CSMD1: variants seen among roughly 807,000 people sequenced by gnomAD.
CSMD1 encodes the protein CUB and sushi domain-containing protein 1.
CSMD1 carries 213 observed loss-of-function variants against 417.5 expected under a neutral mutation model. The ratio of observed to expected loss-of-function variants is 0.51; its 90% CI spans 0.46 to 0.57. The LOEUF is 0.57. CSMD1 is among the 20% of genes least tolerant of loss of function. The probability of loss-of-function intolerance (pLI) is 0.00; values close to 1 mark genes in which losing one functional copy is unlikely to be tolerated. For missense variants in CSMD1, 6,923 were observed against 4,529.7 expected, an observed-to-expected ratio of 1.53 and a Z score of -15.17; for synonymous variants, 2,862 against 1,736.8, an observed-to-expected ratio of 1.65 and a Z score of -16.11.
chr8:3,090,404 G>A lies in CSMD1; in HGVS notation c.7285+1112C>T, dbSNP rs774998927. Among the ~76,000 whole-genome samples the A allele has an allele frequency of 7.3e-4, 110 of 149,994 alleles. 2 individuals carry two copies. The highest frequency in any genetic ancestry group is 7.1e-3 in the Middle Eastern group (2 of 280). ...TGAATGCAAATCCCATCATTGCATC[G>A]ATGTCTTTGCAGCAAAGGTCTGAGT... is the stretch of plus-strand genomic sequence containing the variant. On this transcript the variant is annotated intron_variant, in intron 48 of 69. Transcript: ENST00000635120.
chr8:3,211,643 G>A (rs1585668838), intron 30 of CSMD1, among the ~76,000 whole-genome samples: 2 of 152,302 alleles, frequency 1.3e-5, no homozygotes, highest in Admixed American at 6.5e-5. Flanking sequence ...TCAGCCCTGC[G>A]AGTCTTGTCT....
chr8:3,584,980 T>C (rs1211711174), intron 9 of CSMD1, among the ~76,000 whole-genome samples: 1 of 152,174 alleles, frequency 6.6e-6, no homozygotes, highest in Non-Finnish European at 1.5e-5. Context: ...GGGACAGCCA[T>C]GTGCATTTCC....
chr8:3,558,280 ATGG>A lies in CSMD1; in HGVS notation c.1344+16662_1344+16664del, dbSNP rs1289370017. 2.0e-5 allele frequency among the ~76,000 whole-genome samples: 3 copies of A among 150,128 alleles called. 1 individual carries two copies. Among genetic ancestry groups the A allele is most frequent in the Non-Finnish European group, 4.4e-5 (3 of 67,604 alleles). ...CCTGTGTCCACTCCTCCAGTGATGA[ATGG>A]TGCCTCAATGGAACTCCGTGTTCAC... On this transcript the variant is annotated intron_variant, in intron 10 of 69. Coordinates refer to ENST00000635120, the MANE Select transcript of CSMD1 (RefSeq NM_033225.6).
chr8:3,117,203 T>TGGGACTACA (rs1816925649), intron 42 of CSMD1, among the ~76,000 whole-genome samples: 1 of 152,134 alleles, frequency 6.6e-6, no homozygotes, highest in African/African-American at 2.4e-5. Flanking sequence ...CTGGAGTAGC[T>TGGGACTACA]GGGACTACAG....
intron 4 of CSMD1, among the ~76,000 whole-genome samples, chr8:4,021,481 T>G (rs904414880): frequency 6.6e-6 from 1 of 152,194 alleles, no homozygotes; most frequent in African/African-American, 2.4e-5. Context: ...CGTGTGGCAG[T>G]TGAATCCGCT....
chr8:4,879,924 C>G (rs1803288484), intron 1 of CSMD1, among the ~76,000 whole-genome samples: 1 of 152,206 alleles, frequency 6.6e-6, no homozygotes, highest in East Asian at 1.9e-4. Context: ...TCATTAACTT[C>G]CCAACCAGAA....
chr8:4,073,759 C>G (rs941099210), intron 3 of CSMD1, among the ~76,000 whole-genome samples: 6 of 152,062 alleles, frequency 3.9e-5, no homozygotes, highest in Non-Finnish European at 5.9e-5. Context: ...AATTTATACA[C>G]TTGAAAATGA....
chr8:3,975,327 G>C (rs149868271), intron 5 of CSMD1, among the ~76,000 whole-genome samples: 76 of 152,134 alleles, frequency 5.0e-4, no homozygotes, highest in South Asian at 2.5e-3. Flanking sequence ...GAACAGTTTG[G>C]ATGTTTGTGG....
intron 5 of CSMD1, among the ~76,000 whole-genome samples, chr8:3,876,186 T>C (rs971686507): frequency 2.0e-5 from 3 of 152,190 alleles, no homozygotes; most frequent in Non-Finnish European, 4.4e-5. Context: ...AAACTCATGT[T>C]TGAAAGGAGG....
Position 4,937,190 on chromosome 8 carries a change from G to C in CSMD1, c.85+57142C>G, listed in dbSNP as rs931227826. Among the ~76,000 whole-genome samples, 3 of 152,046 alleles carry C rather than the reference G, an allele frequency of 2.0e-5. No individual in the cohort carries two copies. The South Asian group carries it at 6.2e-4, about 32-fold the overall frequency. On this transcript the variant is annotated intron_variant, in intron 1 of 69. Coordinates refer to ENST00000635120, the MANE Select transcript of CSMD1 (RefSeq NM_033225.6). ...ATCCTGAGACTGCATTACAGCCTGA[G>C]CAACAGAGCCAGGCCCTGTCTCAAA...
intron 1 of CSMD1, among the ~76,000 whole-genome samples, chr8:4,802,400 C>G (rs28469770): frequency 6.6e-6 from 1 of 151,626 alleles, no homozygotes; most frequent in African/African-American, 2.4e-5. Context: ...GAAGCATCCC[C>G]GTGGTTAACT....
chr8:3,663,297 G>C (rs1358674366), intron 7 of CSMD1, among the ~76,000 whole-genome samples: 3 of 152,138 alleles, frequency 2.0e-5, no homozygotes, highest in South Asian at 2.1e-4. Context: ...GTGGGATGTG[G>C]GCAGTAGAAT....
chr8:3,230,761 C>T (rs1015123883), intron 26 of CSMD1, among the ~76,000 whole-genome samples: 1 of 152,108 alleles, frequency 6.6e-6, no homozygotes, highest in Non-Finnish European at 1.5e-5. Flanking sequence ...ATTGCCACGG[C>T]AAAATTATTA....
At chr8:3,856,573 T>C (rs79143612) in intron 5 of CSMD1, among the ~76,000 whole-genome samples, 2,402 of 152,270 alleles carry the variant, frequency 0.016, 73 homozygotes, top group African/African-American at 0.054. Context: ...GGCCTGAGTA[T>C]GGCAGACTGT....
chr8:4,926,964 C>A (rs1806910744), intron 1 of CSMD1, among the ~76,000 whole-genome samples: 1 of 152,006 alleles, frequency 6.6e-6, no homozygotes, highest in African/African-American at 2.4e-5. Flanking sequence ...AAAAAGCATT[C>A]AGCTAGAGCA....
chr8:3,479,437 T>A (rs937822224), intron 11 of CSMD1, among the ~76,000 whole-genome samples: 1 of 152,128 alleles, frequency 6.6e-6, no homozygotes, highest in Non-Finnish European at 1.5e-5. Context: ...TGCACCACCA[T>A]GCCCAGCTAA....
Position 3,425,569 on chromosome 8 carries a change from G to A in CSMD1, c.1562-15964C>T, listed in dbSNP as rs546723260. On this transcript the variant is annotated intron_variant, in intron 12 of 69. Transcript: ENST00000635120. ...CGCCACTGCACTCTGGCCTGGGAGA[G>A]AGAGCAAGATTCGGTCTCAAAAAAA... Among the ~76,000 whole-genome samples, 112 of 126,910 alleles carry A rather than the reference G, an allele frequency of 8.8e-4. 3 individuals carry two copies. The Middle Eastern group carries it at 0.021, about 24-fold the overall frequency. 83.3% of individuals were successfully genotyped at this position (126,910 alleles called of 152,430 possible). A position where few individuals can be genotyped will look rare whatever the true frequency, so the allele number is the denominator to read the frequency against.
chr8:3,764,523 C>G lies in CSMD1; in HGVS notation c.819-10481G>C, dbSNP rs6558820. Among the ~76,000 whole-genome samples the G allele has an allele frequency of 7.2e-5, 11 of 152,230 alleles. No individual in the cohort carries two copies. The South Asian group carries it at 2.3e-3, about 32-fold the overall frequency. ...TAGCCCTGGGTGACGGATGTCACAC[C>G]TGAGACATCACCAGGTGGGGAGTAC... On this transcript the variant is annotated intron_variant, in intron 5 of 69. Transcript: ENST00000635120.
chr8:3,607,113 T>C (rs762321677), intron 8 of CSMD1, among the ~76,000 whole-genome samples: 1 of 152,218 alleles, frequency 6.6e-6, no homozygotes, highest in Non-Finnish European at 1.5e-5. Context: ...TTAATATTTT[T>C]ATTTCACAAG....
Sources: gnomAD v4.1 joint callset for allele counts (sites outside exome capture counted in the v4.1 genomes callset) on GRCh38, gnomAD v4.1.1 for gene constraint, MANE v1.5 for transcripts, NCBI Gene and HGNC (gene_info 2026-07-23, HGNC 2026-07-21) for gene names.